Variants in ANKRD13C observed in about 807,000 individuals in gnomAD.
ANKRD13C encodes the protein ankyrin repeat domain-containing protein 13C.
In ANKRD13C, 16 loss-of-function variants were observed where a neutral mutation model predicts 65.5. The observed-to-expected ratio is 0.24, with a 90% CI of 0.17 to 0.37. ANKRD13C has a LOEUF of 0.37. Among genes scored for constraint, ANKRD13C ranks in the 10% least tolerant of loss-of-function variants. The probability of loss-of-function intolerance (pLI) is 1.00; values close to 1 mark genes in which losing one functional copy is unlikely to be tolerated. For missense variants in ANKRD13C, 503 were observed against 655.9 expected, an observed-to-expected ratio of 0.77 and a Z score of 2.55; for synonymous variants, 235 against 238.7, an observed-to-expected ratio of 0.98 and a Z score of 0.14.
Position 70,309,029 on chromosome 1 carries a change from C to T in ANKRD13C, c.710-2739G>A, listed in dbSNP as rs77564752. 7.3e-3 allele frequency among the ~76,000 whole-genome samples: 1,103 copies of T among 151,394 alleles called. 15 individuals carry two copies. Among genetic ancestry groups the T allele is most frequent in the African/African-American group, 0.025 (1,047 of 41,330 alleles). On this transcript the variant is annotated intron_variant, in intron 5 of 12. Transcript: ENST00000370944. ...ATTTTCATTTGGCTACCACTTACTC[C>T]CCAATTTTCTTTCTTTCCTTTTTTT...
chr1:70,278,251 G>A (rs990452156), intron 9 of ANKRD13C, among the ~76,000 whole-genome samples: 4 of 149,908 alleles, frequency 2.7e-5, no homozygotes, highest in East Asian at 2.0e-4. Flanking sequence ...CTAGCACTTC[G>A]GGAGGTCAAG....
intron 5 of ANKRD13C, among the ~76,000 whole-genome samples, chr1:70,312,939 C>T (rs1486706869): frequency 6.6e-6 from 1 of 151,948 alleles, no homozygotes; most frequent in East Asian, 1.9e-4. Context: ...TAGGATCTTT[C>T]GTAAGTCACT....
chr1:70,323,778 G>A (rs528907920), intron 3 of ANKRD13C, among the ~76,000 whole-genome samples: 9 of 149,660 alleles, frequency 6.0e-5, no homozygotes, highest in Admixed American at 6.0e-4. Flanking sequence ...GGGCTGGAGT[G>A]CAATGGTGCG....
rs114821080 is a variant in ANKRD13C, at chr1:70,322,313, G to T, written c.577+2540C>A. ...TTTATATTAATATTTCTAATAAACC[G>T]TAAGAGATATTCAATTAATTATCCT... On this transcript the variant is annotated intron_variant, in intron 3 of 12. Coordinates refer to ENST00000370944, the MANE Select transcript of ANKRD13C (RefSeq NM_030816.5). Among the ~76,000 whole-genome samples, 782 of 152,178 alleles carry T rather than the reference G, an allele frequency of 5.1e-3. 6 individuals are homozygous for T. Among genetic ancestry groups the T allele is most frequent in the African/African-American group, 0.018 (756 of 41,516 alleles).
intron 5 of ANKRD13C, among the ~76,000 whole-genome samples, chr1:70,308,901 A>G (rs560971187): frequency 6.6e-6 from 1 of 152,300 alleles, no homozygotes; most frequent in African/African-American, 2.4e-5. Context: ...CGTAAGTTAA[A>G]CAACCAACCT....
At chr1:70,307,773 G>A (rs377159568) in intron 5 of ANKRD13C, among the ~76,000 whole-genome samples, 2 of 152,080 alleles carry the variant, frequency 1.3e-5, no homozygotes, top group African/African-American at 4.8e-5. Flanking sequence ...GCAAGACCCT[G>A]TCTCTACAAA....
chr1:70,339,983 G>C (rs372391498), intron 1 of ANKRD13C, among the ~76,000 whole-genome samples: 1 of 151,486 alleles, frequency 6.6e-6, no homozygotes, highest in African/African-American at 2.4e-5. Context: ...CCAAGTAGCT[G>C]GGATTACAGG....
intron 1 of ANKRD13C, among the ~76,000 whole-genome samples, chr1:70,339,685 T>G (rs903226132): frequency 6.6e-6 from 1 of 151,962 alleles, no homozygotes; most frequent in Non-Finnish European, 1.5e-5. Context: ...CTCTTTTCAT[T>G]TATTGGCATA....
At chr1:70,328,721 T>C (rs1257868843) in intron 2 of ANKRD13C, among the ~76,000 whole-genome samples, 1 of 152,276 alleles carries the variant, frequency 6.6e-6, no homozygotes, top group East Asian at 1.9e-4. Flanking sequence ...TTCAGACACA[T>C]GCACAAGTAT....
At chr1:70,349,962 CCT>C (rs1401451824) in intron 1 of ANKRD13C, among the ~76,000 whole-genome samples, 2 of 152,090 alleles carry the variant, frequency 1.3e-5, no homozygotes, top group Non-Finnish European at 2.9e-5. Flanking sequence ...ACGGTGAAAC[CCT>C]GTCTCTACTA....
At chr1:70,328,840 G>A (rs1340243843) in intron 2 of ANKRD13C, among the ~76,000 whole-genome samples, 1 of 152,098 alleles carries the variant, frequency 6.6e-6, no homozygotes, top group Non-Finnish European at 1.5e-5. Flanking sequence ...GGGGATGATA[G>A]CCAAGATAAA....
At chr1:70,346,786 A>T (rs748646840) in intron 1 of ANKRD13C, among the ~76,000 whole-genome samples, 2 of 152,118 alleles carry the variant, frequency 1.3e-5, no homozygotes, top group Non-Finnish European at 2.9e-5. Context: ...AGCCCGAGTG[A>T]GCCTTTTAAA....
At chr1:70,283,669 G>A (rs1679497843) in intron 9 of ANKRD13C, among the ~76,000 whole-genome samples, 1 of 151,862 alleles carries the variant, frequency 6.6e-6, no homozygotes, top group African/African-American at 2.4e-5. Flanking sequence ...ACAAAAATTA[G>A]CCGGGTGTGG....
Position 70,327,549 on chromosome 1 carries a change from T to C in ANKRD13C, c.473-2592A>G, listed in dbSNP as rs543107623. The stretch of plus-strand genomic sequence containing the variant: ...CACTCTCAACTGGGTCATGTTTCAG[T>C]ATAAAAAACCTATAAATGACATTCT... On this transcript the variant is annotated intron_variant, in intron 2 of 12. Coordinates refer to ENST00000370944, the MANE Select transcript of ANKRD13C (RefSeq NM_030816.5). 7.9e-5 allele frequency among the ~76,000 whole-genome samples: 12 copies of C among 152,276 alleles called. No individual in the cohort carries two copies. The South Asian group carries it at 1.2e-3, about 16-fold the overall frequency.
At chr1:70,327,322 T>C (rs949973964) in intron 2 of ANKRD13C, among the ~76,000 whole-genome samples, 3 of 152,176 alleles carry the variant, frequency 2.0e-5, no homozygotes, top group African/African-American at 7.2e-5. Flanking sequence ...AAAGCCTCTA[T>C]AGCTGATTTT....
At chr1:70,353,951 GA>G in intron 1 of ANKRD13C, 27 bp downstream of exon 1, 1 of 1,493,002 alleles carries the variant, frequency 6.7e-7, no homozygotes, top group Middle Eastern at 1.8e-4. Context: ...GGGAAGGAGA[GA>G]GGTGGAGAGG....
rs762589010 is a variant in ANKRD13C at position 70,306,221 on chromosome 1, T to C, written c.776+3A>G. 6.4e-7 allele frequency: 1 copy of C among 1,556,300 alleles called. No individual in the cohort carries two copies. Among genetic ancestry groups the C allele is most frequent in the Non-Finnish European group, 8.7e-7 (1 of 1,149,486 alleles). On this transcript the variant is annotated splice_donor_region_variant and intron_variant, in intron 6 of 12. Transcript: ENST00000370944. ...TACTGAGAAAAAAATCAAATCACCT[T>C]ACCTGATATTGATACCTTGTTTGTA...
intron 1 of ANKRD13C, 143 bp from the exon 2 acceptor site, chr1:70,336,242 A>G (rs568669324): frequency 1.2e-5 from 3 of 243,346 alleles, no homozygotes; most frequent in Non-Finnish European, 2.5e-5. Flanking sequence ...TATTGCTTAT[A>G]TAGCAAATTT....
At chr1:70,266,584 T>C (rs781270259) in intron 12 of ANKRD13C, among the ~76,000 whole-genome samples, 61 of 152,056 alleles carry the variant, frequency 4.0e-4, no homozygotes, top group Admixed American at 1.8e-3. Context: ...TTGCTGGGAG[T>C]TGTCTCTCAG....
Sources: gnomAD v4.1 joint callset for allele counts (sites outside exome capture counted in the v4.1 genomes callset) on GRCh38, gnomAD v4.1.1 for gene constraint, MANE v1.5 for transcripts, NCBI Gene and HGNC (gene_info 2026-07-23, HGNC 2026-07-21) for gene names.